Variants in IGFN1 observed in about 807,000 individuals in gnomAD.
The protein encoded by IGFN1 is immunoglobulin like and fibronectin type III domain containing 1.
A neutral mutation model predicts 289.5 loss-of-function variants in IGFN1; 253 were observed. The ratio of observed to expected loss-of-function variants is 0.87; its 90% CI spans 0.79 to 0.97. IGFN1 has a LOEUF of 0.97. Among genes scored for constraint, IGFN1 ranks in the 50% least tolerant of loss-of-function variants. The probability of loss-of-function intolerance (pLI) is 0.00; values close to 1 mark genes in which losing one functional copy is unlikely to be tolerated. For missense variants in IGFN1, 4,470 were observed against 4,686.1 expected (o/e 0.95, Z 1.35); for synonymous variants, 1,706 against 1,788.5 (o/e 0.95, Z 1.16).
At chr1:201,192,130 G>T (rs1666686565) in intron 1 of IGFN1, among the ~76,000 whole-genome samples, 1 of 152,358 alleles carries the variant, frequency 6.6e-6, no homozygotes, top group Middle Eastern at 3.4e-3. Context: ...CCAGAACGCA[G>T]TTGGCGTACC....
At position 201,208,149 on chromosome 1, in the gene IGFN1, G is replaced by C. The variant is rs2102336949; in HGVS notation, c.3256G>C (p.Ala1086Pro). ...GLGSPGVTGS[A>P]GRGGLKAPGV... ...AGGGAGTCCTGGGGTGACAGGGTCT[G>C]CGGGTAGAGGTGGTCTCAAGGCCCC... The change falls in exon 12 of 24, where the codon GCG (alanine) becomes CCG (proline). Residue 1086 changes from alanine (A) to proline (P), a missense_variant. By Grantham distance (27) the Ala-to-Pro change is conservative (BLOSUM62 -1). Around this residue, in one of 8 missense-constraint regions of IGFN1, gnomAD observed 2,011 missense variants for 1,953.4 expected, o/e 1.03. Transcript: ENST00000335211. 5.9e-6 allele frequency: 9 copies of C among 1,537,040 alleles called. No homozygotes were observed. Among genetic ancestry groups the C allele is most frequent in the Non-Finnish European group, 7.8e-6 (9 of 1,146,854 alleles).
Position 201,201,806 on chromosome 1 carries a change from T to C in IGFN1, c.721T>C (p.Ser241Pro). Residue 241 changes from serine to proline, a missense_variant, in exon 9 of 24, where the codon TCT becomes CCT. Ser to Pro is a moderately conservative substitution (Grantham distance 74). Around this residue, in one of 8 missense-constraint regions of IGFN1, gnomAD observed 2,011 missense variants for 1,953.4 expected, o/e 1.03. Coordinates refer to ENST00000335211, the MANE Select transcript of IGFN1 (RefSeq NM_001164586.2). ...TGACTTGGAGCTGGATCTCAAGGATTCTCAGAGCAAGATTTACCTGTATAA... is the reference window on the plus strand; with the variant it reads ...TGACTTGGAGCTGGATCTCAAGGATCCTCAGAGCAAGATTTACCTGTATAA... ...KFDLELDLKD[S>P]QSKIYLYKDG... The C allele has an allele frequency of 2.6e-6, 4 of 1,533,088 alleles. No individual in the cohort carries two copies. In the South Asian group the frequency reaches 3.6e-5, roughly 14 times the overall value. 95.0% of individuals were successfully genotyped at this position (1,533,088 alleles called of 1,614,324 possible).
chr1:201,201,584 A>G (rs981333492), intron 8 of IGFN1, 135 bp from the exon 9 acceptor site: 9 of 572,306 alleles, frequency 1.6e-5, no homozygotes, highest in Non-Finnish European at 2.8e-5. Context: ...ACTTTCCCCC[A>G]CTTGTAAAAG....
chr1:201,193,668 T>C (rs1213294583), intron 2 of IGFN1, among the ~76,000 whole-genome samples: 1 of 152,182 alleles, frequency 6.6e-6, no homozygotes, highest in African/African-American at 2.4e-5. Context: ...GTCAGGCTGG[T>C]CTCGAATGCC....
At chr1:201,225,272 A>T in intron 21 of IGFN1, among the ~76,000 whole-genome samples, 1 of 152,188 alleles carries the variant, frequency 6.6e-6, no homozygotes, top group Middle Eastern at 3.2e-3. Context: ...CCTGCCCTGG[A>T]GGAGCTTCTG....
rs540823902 is a variant in IGFN1 at position 201,227,072 on chromosome 1, G to T, written c.10977G>T (p.Ala3659=). The change falls in exon 23 of 24, where the codon GCG becomes GCT. Residue 3659 remains alanine, a synonymous_variant. Transcript: ENST00000335211. ...KNDRSLEGNP[A]VYSTDLLGVC... is the part of the protein sequence containing the mutation. ...ACCGCAGCCTGGAAGGAAACCCCGC[G>T]GTGTACAGCACTGACCTGCTGGGCG... The T allele has an allele frequency of 1.2e-6, 2 of 1,613,664 alleles. No individual in the cohort carries two copies. The highest frequency in any genetic ancestry group is 1.7e-6 in the Non-Finnish European group (2 of 1,180,042).
chr1:201,196,596 C>T (rs569696937), intron 4 of IGFN1, among the ~76,000 whole-genome samples: 1 of 152,134 alleles, frequency 6.6e-6, no homozygotes, highest in African/African-American at 2.4e-5. Flanking sequence ...CCATCCGCCT[C>T]GGCATCCCAA....
At chr1:201,197,085 G>C in intron 4 of IGFN1, 133 bp from the exon 5 acceptor site, 1 of 580,624 alleles carries the variant, frequency 1.7e-6, no homozygotes, top group Non-Finnish European at 3.1e-6. Flanking sequence ...TGTCTTTCCT[G>C]ATAAAGACTG....
At chr1:201,205,723 C>T (rs1476189712) in intron 11 of IGFN1, among the ~76,000 whole-genome samples, 2 of 152,224 alleles carry the variant, frequency 1.3e-5, no homozygotes, top group Non-Finnish European at 2.9e-5. Context: ...GTAAATTGGA[C>T]ATAAGTAAGG....
In IGFN1 at chr1:201,206,208, GGCCCCA is replaced by G. The variant is rs1405305103; in HGVS notation, c.1317_1322del (p.Pro440_Arg441del). ...CCAGGGAGAGAAATCCAGAGAGCAG[GGCCCCA>G]GGGGGGGCTCCCTTGAAGGGGCTGG... On this transcript the variant is annotated inframe_deletion, in exon 12 of 24. Transcript: ENST00000335211. The G allele has an allele frequency of 6.5e-7, 1 of 1,548,632 alleles. No homozygotes were observed. The highest frequency in any genetic ancestry group is 1.2e-5 in the South Asian group (1 of 83,784).
intron 21 of IGFN1, 73 bp from the exon 22 acceptor site, chr1:201,225,751 G>A: frequency 7.2e-7 from 1 of 1,387,030 alleles, no homozygotes; most frequent in Non-Finnish European, 9.7e-7. Context: ...AGAAGTCCTG[G>A]GACCTGGAGG....
Position 201,211,737 on chromosome 1 carries a change from G to A in IGFN1, c.6844G>A (p.Asp2282Asn), listed in dbSNP as rs780791835. Residue 2282 changes from aspartate (D) to asparagine (N), a missense_variant, in exon 12 of 24, where the codon GAT becomes AAT. By Grantham distance (23) the Asp-to-Asn change is conservative (BLOSUM62 1). Around this residue, in one of 8 missense-constraint regions of IGFN1, gnomAD observed 2,218 missense variants for 2,114.1 expected, o/e 1.05. Coordinates refer to ENST00000335211, the MANE Select transcript of IGFN1 (RefSeq NM_001164586.2). ...LGSSGKISSGDEAGYKNVLGG... is the reference protein window; with the variant it reads ...LGSSGKISSGNEAGYKNVLGG... The stretch of plus-strand genomic sequence containing the variant: ...CAGTTCTGGAAAAATCAGTTCAGGG[G>A]ATGAGGCAGGTTATAAGAATGTTTT... 2.8e-5 allele frequency: 43 copies of A among 1,536,766 alleles called. No homozygotes were observed. Among genetic ancestry groups the A allele is most frequent in the Non-Finnish European group, 3.6e-5 (41 of 1,146,772 alleles).
chr1:201,207,394 C>A lies in IGFN1; in HGVS notation c.2501C>A (p.Ser834Tyr). Residue 834 changes from serine (S) to tyrosine (Y), a missense_variant, in exon 12 of 24, where the codon TCT becomes TAT. Around this residue, in one of 8 missense-constraint regions of IGFN1, gnomAD observed 2,011 missense variants for 1,953.4 expected, o/e 1.03. Transcript: ENST00000335211. Reference sequence around the variant, plus strand: ...GCAGGGGGTATTGGCAGAATAGAATCTAAGGGCACAAGTCCTTGGGATGAC... The same window carrying A: ...GCAGGGGGTATTGGCAGAATAGAATATAAGGGCACAAGTCCTTGGGATGAC... ...RAAGGIGRIESKGTSPWDDTP... is the reference protein window; with the variant it reads ...RAAGGIGRIEYKGTSPWDDTP... 6.5e-7 allele frequency: 1 copy of A among 1,536,094 alleles called. No individual in the cohort carries two copies.
rs1176888799 is a variant in IGFN1 at position 201,191,234 on chromosome 1, C to T, written c.-48+327C>T. Among the ~76,000 whole-genome samples, 3 of 152,238 alleles carry T rather than the reference C, an allele frequency of 2.0e-5. No homozygotes were observed. In the East Asian group the frequency reaches 5.8e-4, roughly 29 times the overall value. ...CACTAGCAGTCCAGAATAAGGACCT[C>T]GGGCTGGGACTTGTTATATTTTGGT... On this transcript the variant is annotated intron_variant, in intron 1 of 23. Coordinates refer to ENST00000335211, the MANE Select transcript of IGFN1 (RefSeq NM_001164586.2).
chr1:201,222,007 G>A (rs932470718), intron 19 of IGFN1: 1 of 334,660 alleles, frequency 3.0e-6, no homozygotes. Flanking sequence ...GAGGTTCAAG[G>A]TACTTTGCCC....
chr1:201,220,739 C>T (rs1208396072), intron 18 of IGFN1, among the ~76,000 whole-genome samples: 1 of 152,208 alleles, frequency 6.6e-6, no homozygotes, highest in Non-Finnish European at 1.5e-5. Context: ...GAAGTACTGC[C>T]CTAGCCCAGT....
rs1667181706 is a variant in IGFN1 at position 201,201,903 on chromosome 1, T to C, written c.747+71T>C. 6 of 761,154 alleles carry C rather than the reference T, an allele frequency of 7.9e-6. No individual in the cohort carries two copies. In the Admixed American group the frequency reaches 1.2e-4, roughly 16 times the overall value. The allele number at this position is 761,154 out of a possible 1,614,324, so 47.2% of individuals were successfully genotyped here. On this transcript the variant is annotated intron_variant, in intron 9 of 23. Coordinates refer to ENST00000335211, the MANE Select transcript of IGFN1 (RefSeq NM_001164586.2). ...TTCAGGTCTAGTGGAGAGGGAACTATGGGTACCCTGCATTCCTCCAAGGGA... is the reference window on the plus strand; with the variant it reads ...TTCAGGTCTAGTGGAGAGGGAACTACGGGTACCCTGCATTCCTCCAAGGGA...
chr1:201,225,518 G>A (rs913523078), intron 21 of IGFN1, among the ~76,000 whole-genome samples: 9 of 152,176 alleles, frequency 5.9e-5, no homozygotes, highest in Non-Finnish European at 7.3e-5. Flanking sequence ...GCGTGAACCC[G>A]GGAGTTGGAG....
rs186252214 is a variant in IGFN1, at chr1:201,207,175, G to A, written c.2282G>A (p.Arg761Gln). 6,699 of 1,536,804 alleles carry A rather than the reference G, an allele frequency of 4.4e-3. 28 individuals carry two copies. Among genetic ancestry groups the A allele is most frequent in the Non-Finnish European group, 5.1e-3 (5,798 of 1,146,784 alleles). ...CTGCAGGAGGCAGATGGTATATGCCGGGGGGAGTCTGTAGTTACAGGAAGT... is the reference window on the plus strand; with the variant it reads ...CTGCAGGAGGCAGATGGTATATGCCAGGGGGAGTCTGTAGTTACAGGAAGT... The part of the protein sequence containing the change: ...DSLQEADGIC[R>Q]GESVVTGSAY... Residue 761 changes from arginine to glutamine, a missense_variant, in exon 12 of 24, where the codon CGG (arginine) becomes CAG (glutamine). This residue lies in a region of IGFN1 where 2,011 missense variants were observed against 1,953.4 expected (regional missense o/e 1.03). Coordinates refer to ENST00000335211, the MANE Select transcript of IGFN1 (RefSeq NM_001164586.2).
Sources: gnomAD v4.1 joint callset for allele counts (sites outside exome capture counted in the v4.1 genomes callset) on GRCh38, gnomAD v4.1.1 for gene constraint, gnomAD v4.1.1 regional missense constraint, MANE v1.5 for transcripts, NCBI Gene and HGNC (gene_info 2026-07-23, HGNC 2026-07-21) for gene names.